The following TCERG1L variants were observed in gnomAD, a reference collection of about 807,000 sequenced individuals.
TCERG1L encodes the protein transcription elongation regulator 1-like protein.
A neutral mutation model predicts 56.3 loss-of-function variants in TCERG1L; 37 were observed. That is an observed-to-expected ratio of 0.66 (90% confidence interval 0.51 to 0.87). The LOEUF (loss-of-function observed/expected upper bound fraction) is 0.87. TCERG1L is among the 40% of genes least tolerant of loss of function. The pLI, the probability that TCERG1L is intolerant of heterozygous loss-of-function variation, is 0.00. For synonymous variants in TCERG1L, 324 were observed against 326.3 expected (o/e 0.99, Z 0.08); for missense variants, 799 against 774.2 (o/e 1.03, Z -0.38).
chr10:131,218,779 G>A (rs2918159), intron 4 of TCERG1L, among the ~76,000 whole-genome samples: 4,784 of 152,242 alleles, frequency 0.031, 112 homozygotes, highest in Middle Eastern at 0.048. Context: ...TGGAACCACG[G>A]TGCTGGCCAA....
At chr10:131,271,498 G>A (rs1326950349) in intron 3 of TCERG1L, among the ~76,000 whole-genome samples, 2 of 152,208 alleles carry the variant, frequency 1.3e-5, no homozygotes, top group Non-Finnish European at 2.9e-5. Flanking sequence ...GCCTGGCCCA[G>A]GCATCTGACC....
At chr10:131,288,956 C>A (rs890500220) in intron 3 of TCERG1L, among the ~76,000 whole-genome samples, 19 of 152,200 alleles carry the variant, frequency 1.2e-4, no homozygotes, top group African/African-American at 3.9e-4. Context: ...GAATTTCAGC[C>A]ACACCATTTG....
At chr10:131,206,205 A>AGGCAG (rs1845524614) in intron 4 of TCERG1L, among the ~76,000 whole-genome samples, 1 of 152,082 alleles carries the variant, frequency 6.6e-6, no homozygotes, top group African/African-American at 2.4e-5. Flanking sequence ...AAGGTCCGCA[A>AGGCAG]AGGCAAATCC....
Position 131,179,267 on chromosome 10 carries a change from C to T in TCERG1L, c.857-12382G>A, listed in dbSNP as rs1845144608. On this transcript the variant is annotated intron_variant, in intron 4 of 11. Coordinates refer to ENST00000368642, the MANE Select transcript of TCERG1L (RefSeq NM_174937.4). ...GGCAGCACCTGTGTGTTTCCCAGGT[C>T]ACAGCGAGAGGCCAGGCCACGCCCA... 3.9e-5 allele frequency among the ~76,000 whole-genome samples: 6 copies of T among 152,248 alleles called. No homozygotes were observed. The South Asian group carries it at 1.2e-3, about 31-fold the overall frequency.
At chr10:131,193,398 G>A (rs1256660036) in intron 4 of TCERG1L, among the ~76,000 whole-genome samples, 1 of 152,038 alleles carries the variant, frequency 6.6e-6, no homozygotes, top group Non-Finnish European at 1.5e-5. Context: ...TCTTGCCTAT[G>A]CAAGTCAGAA....
chr10:131,165,710 G>C (rs1846023235), intron 5 of TCERG1L, among the ~76,000 whole-genome samples: 1 of 152,174 alleles, frequency 6.6e-6, no homozygotes, highest in Admixed American at 6.5e-5. Context: ...CAAGCAAATA[G>C]AGTAGGATGT....
At chr10:131,302,261 A>G (rs914029844) in intron 3 of TCERG1L, among the ~76,000 whole-genome samples, 5 of 151,488 alleles carry the variant, frequency 3.3e-5, no homozygotes, top group African/African-American at 1.2e-4. Context: ...CATTCATAAA[A>G]TGCCTCCAGG....
intron 3 of TCERG1L, among the ~76,000 whole-genome samples, chr10:131,307,880 G>A (rs1285024319): frequency 1.3e-5 from 2 of 151,984 alleles, no homozygotes; most frequent in Non-Finnish European, 2.9e-5. Flanking sequence ...TTTTTAAAGA[G>A]TAGACTGATC....
chr10:131,206,692 G>A (rs1264672478), intron 4 of TCERG1L, among the ~76,000 whole-genome samples: 6 of 152,206 alleles, frequency 3.9e-5, no homozygotes, highest in Non-Finnish European at 8.8e-5. Context: ...TCCTCCTGGA[G>A]CCCAGAAGTA....
rs577398849 is a variant in TCERG1L at position 131,261,445 on chromosome 10, T to C, written c.671-1001A>G. On this transcript the variant is annotated intron_variant, in intron 3 of 11. Transcript: ENST00000368642. The stretch of plus-strand genomic sequence containing the variant: ...AGGATACAGGTGTAGAATGAGGAGC[T>C]AGAAATATCAGCAAAAGCAGGACGG... Among the ~76,000 whole-genome samples the C allele has an allele frequency of 1.8e-3, 273 of 152,318 alleles. 1 individual carries two copies. The highest frequency in any genetic ancestry group is 6.3e-3 in the African/African-American group (261 of 41,568).
chr10:131,161,815 G>C (rs987769344), intron 6 of TCERG1L: 20 of 152,302 alleles, frequency 1.3e-4, no homozygotes, highest in African/African-American at 4.6e-4. Flanking sequence ...GGTTCAGAGT[G>C]CTTCCAGGCT....
intron 10 of TCERG1L, among the ~76,000 whole-genome samples, chr10:131,100,463 T>A (rs1306372435): frequency 6.6e-6 from 1 of 152,242 alleles, no homozygotes; most frequent in Non-Finnish European, 1.5e-5. Context: ...TATGCTGCTA[T>A]AATTTAACAT....
chr10:131,207,224 G>A (rs1054225544), intron 4 of TCERG1L, among the ~76,000 whole-genome samples: 1 of 141,890 alleles, frequency 7.0e-6, no homozygotes, highest in Admixed American at 7.2e-5. Context: ...CAGGCACAGC[G>A]TGATTCCATA....
chr10:131,272,651 G>A (rs1443999231), intron 3 of TCERG1L, among the ~76,000 whole-genome samples: 2 of 152,146 alleles, frequency 1.3e-5, no homozygotes, highest in African/African-American at 4.8e-5. Context: ...GATGACCCTT[G>A]GCAACCCTTC....
chr10:131,142,700 C>G (rs978535486), intron 7 of TCERG1L, among the ~76,000 whole-genome samples: 19 of 152,302 alleles, frequency 1.2e-4, no homozygotes, highest in African/African-American at 4.1e-4. Flanking sequence ...AATCCCCATT[C>G]CCCTTCAGTA....
At chr10:131,150,847 C>A (rs1029842616) in intron 6 of TCERG1L, among the ~76,000 whole-genome samples, 8 of 152,184 alleles carry the variant, frequency 5.3e-5, no homozygotes, top group Non-Finnish European at 8.8e-5. Context: ...TTAATTGACT[C>A]ACAGTTCCTC....
chr10:131,208,255 G>A (rs999540151), intron 4 of TCERG1L, among the ~76,000 whole-genome samples: 3 of 152,200 alleles, frequency 2.0e-5, no homozygotes, highest in African/African-American at 7.2e-5. Context: ...CCCAGGTTAC[G>A]TCACTTGGAG....
chr10:131,176,841 GGC>G (rs1564808117), intron 4 of TCERG1L, among the ~76,000 whole-genome samples: 3 of 15,164 alleles, frequency 2.0e-4, no homozygotes, highest in East Asian at 4.4e-3. Flanking sequence ...TGTACACACA[GGC>G]ACATAGGAAC....
At position 131,222,551 on chromosome 10, in the gene TCERG1L, G is replaced by A. The variant is rs1228611196; in HGVS notation, c.856+37708C>T. 2.6e-5 allele frequency among the ~76,000 whole-genome samples: 4 copies of A among 152,330 alleles called. No individual in the cohort carries two copies. In the East Asian group the frequency reaches 5.8e-4, roughly 22 times the overall value. On this transcript the variant is annotated intron_variant, in intron 4 of 11. Transcript: ENST00000368642. Reference sequence around the variant, plus strand: ...TGGTGCTGGGACTCCCAGATGGAAAGGAGAAAGTTCTAGATTTTCACATGG... The same window carrying A: ...TGGTGCTGGGACTCCCAGATGGAAAAGAGAAAGTTCTAGATTTTCACATGG...
Sources: gnomAD v4.1 joint callset for allele counts (sites outside exome capture counted in the v4.1 genomes callset) on GRCh38, gnomAD v4.1.1 for gene constraint, MANE v1.5 for transcripts, NCBI Gene and HGNC (gene_info 2026-07-23, HGNC 2026-07-21) for gene names.